PCDHA13: variants seen among roughly 807,000 people sequenced by gnomAD.
The protein encoded by PCDHA13 is protocadherin alpha-13.
A neutral mutation model predicts 64.8 loss-of-function variants in PCDHA13; 54 were observed. The ratio of observed to expected loss-of-function variants is 0.83; its 90% CI spans 0.67 to 1.04. The LOEUF (loss-of-function observed/expected upper bound fraction) is 1.04, where lower values mean the gene tolerates loss of function less well. Ranked by LOEUF, PCDHA13 falls within the 50% of genes least tolerant of loss-of-function variation. The pLI is 0.00. For missense variants in PCDHA13, 1,248 were observed against 1,254.3 expected (o/e 0.99, Z 0.08); for synonymous variants, 587 against 564.4 (o/e 1.04, Z -0.57).
At chr5:140,904,074 T>G (rs2070811489) in intron 1 of PCDHA13, among the ~76,000 whole-genome samples, 1 of 152,214 alleles carries the variant, frequency 6.6e-6, no homozygotes, top group East Asian at 1.9e-4. Flanking sequence ...GGGAACAGTA[T>G]TTGGTTACAT....
chr5:140,910,958 C>G (rs571427431), intron 1 of PCDHA13, among the ~76,000 whole-genome samples: 2 of 152,220 alleles, frequency 1.3e-5, no homozygotes, highest in East Asian at 3.9e-4. Context: ...TCGAGTGTAG[C>G]ACACCTCCTC....
intron 3 of PCDHA13, among the ~76,000 whole-genome samples, chr5:141,005,617 G>C (rs1419951778): frequency 6.7e-6 from 1 of 149,280 alleles, no homozygotes; most frequent in Non-Finnish European, 1.5e-5. Context: ...CAGGAGAATG[G>C]CGTGAACCCG....
intron 1 of PCDHA13, chr5:140,927,699 G>A (rs155361): frequency 0.52 from 840,731 of 1,613,754 alleles, 221,277 homozygotes; most frequent in African/African-American, 0.71. Context: ...GGGAAGTCCA[G>A]TACTCCCTAA....
At chr5:140,951,373 C>T (rs1554219872) in intron 1 of PCDHA13, among the ~76,000 whole-genome samples, 1 of 151,996 alleles carries the variant, frequency 6.6e-6, no homozygotes, top group Non-Finnish European at 1.5e-5. Context: ...AAAGAAACAC[C>T]CAAGACTCGG....
chr5:140,995,685 T>C (rs951521178), intron 3 of PCDHA13, among the ~76,000 whole-genome samples: 8 of 152,186 alleles, frequency 5.3e-5, no homozygotes, highest in African/African-American at 1.9e-4. Flanking sequence ...TTTTTTTTAA[T>C]TGTTAAATAA....
At chr5:140,915,831 G>T (rs1326644343) in intron 1 of PCDHA13, among the ~76,000 whole-genome samples, 1 of 152,168 alleles carries the variant, frequency 6.6e-6, no homozygotes, top group Non-Finnish European at 1.5e-5. Flanking sequence ...AGGGCTCTAA[G>T]ATCAGCAGGG....
chr5:140,910,411 A>C (rs1554194248), intron 1 of PCDHA13, among the ~76,000 whole-genome samples: 2 of 152,062 alleles, frequency 1.3e-5, no homozygotes, highest in African/African-American at 4.8e-5. Flanking sequence ...CCACCTCGAG[A>C]TCCAATTATT....
rs1446529645 is a variant in PCDHA13, at chr5:140,923,539, C to CA, written c.2394+38881dup. ...GTGAGATTCTGTCCCAAAAAAAGGA[C>CA]AAAATGAAATATCAGCAATGAAAGG... On this transcript the variant is annotated intron_variant, in intron 1 of 3. Coordinates refer to ENST00000289272, the MANE Select transcript of PCDHA13 (RefSeq NM_018904.3). 3.3e-5 allele frequency among the ~76,000 whole-genome samples: 5 copies of CA among 152,090 alleles called. No individual in the cohort carries two copies. The South Asian group carries it at 8.3e-4, about 25-fold the overall frequency.
In PCDHA13 at chr5:140,884,542, G is replaced by T. The variant is rs1554181706; in HGVS notation, c.2274G>T (p.Val758=). 1.9e-6 allele frequency: 3 copies of T among 1,614,126 alleles called. No individual in the cohort carries two copies. In the Admixed American group the frequency reaches 5.0e-5, roughly 27 times the overall value. ...ACTCGCAGCAGAGGCGGCCGAGGGT[G>T]TGCTCTGGGGAGGGCCCGCATAAGA... The part of the protein sequence containing the change: ...WSYSQQRRPR[V]CSGEGPHKTD... Residue 758 remains valine, a synonymous_variant, in exon 1 of 4, where the codon GTG becomes GTT. Transcript: ENST00000289272.
At chr5:140,902,905 G>A (rs933013740) in intron 1 of PCDHA13, among the ~76,000 whole-genome samples, 3 of 152,174 alleles carry the variant, frequency 2.0e-5, no homozygotes, top group Admixed American at 6.5e-5. Flanking sequence ...TTTAGTTTAT[G>A]GCTGAGTAGT....
At chr5:140,951,234 C>A (rs1003242029) in intron 1 of PCDHA13, among the ~76,000 whole-genome samples, 2 of 152,028 alleles carry the variant, frequency 1.3e-5, no homozygotes. Flanking sequence ...ATGGTCTTTA[C>A]CTTTAGGAAT....
chr5:140,938,118 T>G (rs1554211986), intron 1 of PCDHA13, among the ~76,000 whole-genome samples: 1 of 152,178 alleles, frequency 6.6e-6, no homozygotes. Context: ...TCTCTCTTTT[T>G]TTAAAAAAAT....
At chr5:140,901,583 T>A (rs530803677) in intron 1 of PCDHA13, among the ~76,000 whole-genome samples, 6 of 152,222 alleles carry the variant, frequency 3.9e-5, no homozygotes, top group Non-Finnish European at 8.8e-5. Flanking sequence ...GCCAGTGCCA[T>A]GATGTTTTGG....
intron 1 of PCDHA13, among the ~76,000 whole-genome samples, chr5:140,960,397 G>C (rs1322659184): frequency 6.6e-6 from 1 of 152,102 alleles, no homozygotes; most frequent in African/African-American, 2.4e-5. Flanking sequence ...AGGATGCAAG[G>C]GGGGGTGCCC....
intron 1 of PCDHA13, chr5:140,927,374 ACAGCCTAAGCCCCAGT>A: frequency 6.2e-7 from 1 of 1,614,100 alleles, no homozygotes; most frequent in Non-Finnish European, 8.5e-7. Flanking sequence ...ATACTAAGCT[ACAGCCTAAGCCCCAGT>A]CAGCACTTTC....
rs199990641 is a variant in PCDHA13, at chr5:140,966,961, G to C, written c.2395-11988G>C. On this transcript the variant is annotated intron_variant, in intron 1 of 3. Coordinates refer to ENST00000289272, the MANE Select transcript of PCDHA13 (RefSeq NM_018904.3). ...TCGTGGGCAACGTGGCTCGCGCGCT[G>C]GGGCTTGAGCTGCGGCGCTTGGGGC... The C allele has an allele frequency of 8.7e-6, 14 of 1,603,190 alleles. No individual in the cohort carries two copies. The East Asian group carries it at 2.7e-4, about 31-fold the overall frequency.
At chr5:140,928,307 C>T in intron 1 of PCDHA13, 1 of 1,614,150 alleles carries the variant, frequency 6.2e-7, no homozygotes, top group Non-Finnish European at 8.5e-7. Context: ...GCCCAGGACC[C>T]CGACCTGGGG....
chr5:140,928,168 A>T, intron 1 of PCDHA13: 3 of 1,614,174 alleles, frequency 1.9e-6, no homozygotes, highest in Non-Finnish European at 2.5e-6. Flanking sequence ...ACCCCCACTT[A>T]GCACCCGAAG....
chr5:140,930,997 A>G (rs1355351475), intron 1 of PCDHA13, among the ~76,000 whole-genome samples: 3 of 152,198 alleles, frequency 2.0e-5, no homozygotes, highest in Admixed American at 1.3e-4. Context: ...GACCTACACT[A>G]ATAACATAAC....
Sources: allele counts gnomAD v4.1 joint callset (sites outside exome capture counted in the v4.1 genomes callset), GRCh38; gene constraint gnomAD v4.1.1; transcripts MANE v1.5; gene names NCBI Gene and HGNC (gene_info 2026-07-23, HGNC 2026-07-21).